The following DMD variants were observed in gnomAD, a reference collection of about 807,000 sequenced individuals.
DMD encodes the protein mutant dystrophin.
A neutral mutation model predicts 330.1 loss-of-function variants in DMD; 63 were observed. That is an observed-to-expected ratio of 0.19 (90% CI 0.16 to 0.24). The LOEUF (loss-of-function observed/expected upper bound fraction) is 0.24, where lower values mean the gene tolerates loss of function less well. Ranked by LOEUF, DMD falls within the 10% of genes least tolerant of loss-of-function variation. DMD has a pLI of 1.00. For missense variants in DMD, 3,344 were observed against 2,684.1 expected, an observed-to-expected ratio of 1.25 and a Z score of -5.43; for synonymous variants, 1,223 against 959.8, an observed-to-expected ratio of 1.27 and a Z score of -5.07.
In DMD at chrX:31,473,711, C is replaced by CAAAAAAAAAAAAAAAAA. The variant is rs55752684; in HGVS notation, c.8937+4378_8937+4394dup. ...CTGGTGACAGAGTGAGACTCTGTCT[C>CAAAAAAAAAAAAAAAAA]AAAAAAAAAAAAAAAAAGAAAACAA... On this transcript the variant is annotated intron_variant, in intron 59 of 78. Coordinates refer to ENST00000357033, the MANE Select transcript of DMD (RefSeq NM_004006.3). 2.3e-3 allele frequency among the ~76,000 whole-genome samples: 91 copies of CAAAAAAAAAAAAAAAAA among 40,105 alleles called. 1 individual carries two copies. The highest frequency in any genetic ancestry group is 3.5e-3 in the Non-Finnish European group (73 of 20,955). The allele number at this position is 40,105 out of a possible 115,157, so 34.8% of individuals were successfully genotyped here.
At chrX:32,920,992 C>T (rs1452743656) in intron 2 of DMD, among the ~76,000 whole-genome samples, 1 of 111,782 alleles carries the variant, frequency 8.9e-6, no homozygotes, top group East Asian at 2.8e-4. Flanking sequence ...AATAATAGCA[C>T]AAGTTTGTCC....
intron 52 of DMD, among the ~76,000 whole-genome samples, chrX:31,710,818 C>T (rs753642588): frequency 5.4e-5 from 6 of 111,395 alleles, no homozygotes; most frequent in African/African-American, 9.8e-5. Flanking sequence ...ATTAAATCTA[C>T]GACAACTCTG....
At chrX:31,439,665 C>G (rs2064790478) in intron 60 of DMD, among the ~76,000 whole-genome samples, 1 of 111,766 alleles carries the variant, frequency 8.9e-6, no homozygotes, top group Admixed American at 9.5e-5. Flanking sequence ...GTTTTTGCAG[C>G]TTTTGTGCTA....
intron 4 of DMD, among the ~76,000 whole-genome samples, chrX:32,826,921 A>G (rs2078739179): frequency 9.0e-6 from 1 of 110,908 alleles, no homozygotes; most frequent in Non-Finnish European, 1.9e-5. Context: ...ACATCTAGAT[A>G]TTTTAAAAAA....
At chrX:33,005,909 G>A (rs763695204) in intron 2 of DMD, among the ~76,000 whole-genome samples, 14 of 111,125 alleles carry the variant, frequency 1.3e-4, no homozygotes, top group Non-Finnish European at 2.5e-4. Flanking sequence ...CAAAGTTGCA[G>A]GACACAAGAT....
At chrX:32,647,752 G>A (rs2059875022) in intron 9 of DMD, among the ~76,000 whole-genome samples, 1 of 111,878 alleles carries the variant, frequency 8.9e-6, no homozygotes, top group African/African-American at 3.3e-5. Context: ...AATAAAGTAT[G>A]TTACGGCTGT....
intron 13 of DMD, among the ~76,000 whole-genome samples, chrX:32,594,332 T>C (rs990842314): frequency 3.6e-5 from 4 of 111,102 alleles, no homozygotes; most frequent in African/African-American, 1.3e-4. Context: ...AGAATTTTAG[T>C]GCAATGGATG....
chrX:32,651,635 C>A (rs776105118), intron 9 of DMD, among the ~76,000 whole-genome samples: 1 of 110,956 alleles, frequency 9.0e-6, no homozygotes, highest in Non-Finnish European at 1.9e-5. Flanking sequence ...ACCAGAATAC[C>A]AGAAAGACAG....
chrX:32,448,564 A>G lies in DMD; in HGVS notation c.3678T>C (p.Ala1226=). 8.3e-7 allele frequency: 1 copy of G among 1,208,700 alleles called. No individual in the cohort carries two copies. The highest frequency in any genetic ancestry group is 1.1e-6 in the Non-Finnish European group (1 of 893,347). The change falls in exon 27 of 79, where the codon GCT becomes GCC. Residue 1226 remains alanine (A), a synonymous_variant. Coordinates refer to ENST00000357033, the MANE Select transcript of DMD (RefSeq NM_004006.3). ...CCTCTTGTGCTACAGGTGGAGCTTG[A>G]GCTATGACACTATTTACAGACTCAG... The part of the protein sequence containing the change: ...LLTESVNSVI[A]QAPPVAQEAL...
Position 33,195,602 on chromosome X carries a change from A to T in DMD, c.31+15680T>A, listed in dbSNP as rs1234704010. ...AAACAAAGTACACAGATAACCAAAAACACGACAGATTATATGAATCATCCA... is the reference window on the plus strand; with the variant it reads ...AAACAAAGTACACAGATAACCAAAATCACGACAGATTATATGAATCATCCA... On this transcript the variant is annotated intron_variant, in intron 1 of 78. Coordinates refer to ENST00000357033, the MANE Select transcript of DMD (RefSeq NM_004006.3). Among the ~76,000 whole-genome samples, 3 of 111,865 alleles carry T rather than the reference A, an allele frequency of 2.7e-5. No individual in the cohort carries two copies. The East Asian group carries it at 8.4e-4, about 31-fold the overall frequency.
intron 1 of DMD, among the ~76,000 whole-genome samples, chrX:33,221,087 C>T (rs966854513): frequency 9.0e-6 from 1 of 111,351 alleles, no homozygotes; most frequent in Non-Finnish European, 1.9e-5. Context: ...AAATTATGAA[C>T]CTTGGTACTA....
chrX:32,977,686 A>G (rs2092593517), intron 2 of DMD, among the ~76,000 whole-genome samples: 1 of 110,332 alleles, frequency 9.1e-6, no homozygotes, highest in African/African-American at 3.3e-5. Context: ...TAAGATATAT[A>G]TGTATATATG....
chrX:32,613,191 T>C (rs1216620554), intron 12 of DMD, among the ~76,000 whole-genome samples: 1 of 111,322 alleles, frequency 9.0e-6, no homozygotes, highest in Non-Finnish European at 1.9e-5. Flanking sequence ...AAGAAAATTA[T>C]TTGTTGTTTA....
intron 19 of DMD, among the ~76,000 whole-genome samples, chrX:32,500,197 T>C (rs2148681310): frequency 9.0e-6 from 1 of 111,108 alleles, no homozygotes; most frequent in South Asian, 3.8e-4. Context: ...GATTATTATT[T>C]TCACACCAAA....
intron 44 of DMD, among the ~76,000 whole-genome samples, chrX:32,167,079 C>T (rs140691864): frequency 1.5e-3 from 168 of 111,505 alleles, no homozygotes; most frequent in African/African-American, 4.2e-3. Context: ...ATTTTCTGAC[C>T]GGGTTCACTT....
chrX:32,587,507 T>C (rs5927085), intron 13 of DMD, among the ~76,000 whole-genome samples: 7,176 of 111,819 alleles, frequency 0.064, 201 homozygotes, highest in African/African-American at 0.078. Flanking sequence ...TTTTTTCTTA[T>C]GAAAGTAATT....
intron 57 of DMD, among the ~76,000 whole-genome samples, chrX:31,491,673 G>T (rs1402850922): frequency 9.0e-6 from 1 of 111,472 alleles, no homozygotes; most frequent in Non-Finnish European, 1.9e-5. Context: ...TACTCCCATG[G>T]GTGTGAAAAT....
chrX:33,216,460 G>C (rs1478886301), upstream of DMD, among the ~76,000 whole-genome samples: 2 of 111,037 alleles, frequency 1.8e-5, no homozygotes, highest in Non-Finnish European at 3.8e-5. Context: ...GGAATGGAGG[G>C]AAGCGGGTGT....
chrX:31,799,654 C>T (rs890717715), intron 50 of DMD, among the ~76,000 whole-genome samples: 7 of 111,643 alleles, frequency 6.3e-5, no homozygotes, highest in African/African-American at 2.3e-4. Flanking sequence ...GCCTTCCCAA[C>T]AGTCACCCAA....
Sources: allele counts gnomAD v4.1 joint callset (sites outside exome capture counted in the v4.1 genomes callset), GRCh38; gene constraint gnomAD v4.1.1; transcripts MANE v1.5; gene names NCBI Gene and HGNC (gene_info 2026-07-23, HGNC 2026-07-21).